PCDHA5: variants seen among roughly 807,000 people sequenced by gnomAD.
The protein encoded by PCDHA5 is protocadherin alpha 5, also known as protocadherin alpha-5.
Under a neutral mutation model 61.6 loss-of-function variants are expected in PCDHA5, and 43 were observed. The observed-to-expected ratio is 0.70, with a 90% CI of 0.55 to 0.90. PCDHA5 has a LOEUF of 0.90. PCDHA5 is among the 40% of genes least tolerant of loss of function. The probability of loss-of-function intolerance (pLI) is 0.00; values close to 1 mark genes in which losing one functional copy is unlikely to be tolerated. For synonymous variants in PCDHA5, 627 were observed against 543.9 expected (o/e 1.15, Z -2.13); for missense variants, 1,298 against 1,222.7 (o/e 1.06, Z -0.92).
intron 1 of PCDHA5, among the ~76,000 whole-genome samples, chr5:140,878,566 A>G (rs2057645190): frequency 6.6e-6 from 1 of 152,262 alleles, no homozygotes. Context: ...AACTTATCAT[A>G]GTATACCACT....
intron 1 of PCDHA5, chr5:140,877,297 T>C (rs782559386): frequency 6.2e-7 from 1 of 1,613,924 alleles, no homozygotes; most frequent in East Asian, 2.2e-5. Context: ...TTGGCTGTCC[T>C]ACGAGTTGCA....
intron 1 of PCDHA5, chr5:140,870,789 G>T (rs1554164716): frequency 1.2e-6 from 2 of 1,613,512 alleles, no homozygotes; most frequent in East Asian, 2.2e-5. Context: ...ACAACGCGCC[G>T]GCACTGCTGG....
intron 1 of PCDHA5, 61 bp downstream of exon 1, chr5:140,824,188 A>G: frequency 1.2e-6 from 2 of 1,604,144 alleles, no homozygotes; most frequent in Non-Finnish European, 1.7e-6. Context: ...TAAATGTCAC[A>G]TTCACCCACT....
chr5:140,911,485 A>G (rs1387982810), intron 1 of PCDHA5, among the ~76,000 whole-genome samples: 1 of 152,152 alleles, frequency 6.6e-6, no homozygotes, highest in East Asian at 1.9e-4. Context: ...ACTCAGGGCA[A>G]TCTTAGCAGG....
At chr5:140,844,657 C>G (rs1252310311) in intron 1 of PCDHA5, among the ~76,000 whole-genome samples, 1 of 149,150 alleles carries the variant, frequency 6.7e-6, no homozygotes, top group South Asian at 2.1e-4. Context: ...TCTTGCAAAC[C>G]AAACATATAA....
chr5:140,927,910 C>A lies in PCDHA5; in HGVS notation c.2353-51039C>A, dbSNP rs782484227. 2.5e-6 allele frequency: 4 copies of A among 1,614,216 alleles called. No homozygotes were observed. In the South Asian group the frequency reaches 3.3e-5, roughly 13 times the overall value. On this transcript the variant is annotated intron_variant, in intron 1 of 3. Transcript: ENST00000529859. ...TGACGTGAACGATCATGCCCCCGAACTGGACTTCCTGACTCTTTCGAACCC... is the reference window on the plus strand; with the variant it reads ...TGACGTGAACGATCATGCCCCCGAAATGGACTTCCTGACTCTTTCGAACCC...
chr5:140,967,431 T>G, intron 1 of PCDHA5: 1 of 1,613,498 alleles, frequency 6.2e-7, no homozygotes, highest in Non-Finnish European at 8.5e-7. Flanking sequence ...CAGGCAGCCT[T>G]GCACCACCTG....
At chr5:140,963,952 G>T (rs1466185819) in intron 1 of PCDHA5, among the ~76,000 whole-genome samples, 1 of 152,176 alleles carries the variant, frequency 6.6e-6, no homozygotes, top group Non-Finnish European at 1.5e-5. Context: ...TTAGTCACTG[G>T]CAGGAGTGTG....
intron 1 of PCDHA5, chr5:140,850,158 G>C: frequency 6.3e-7 from 1 of 1,595,230 alleles, no homozygotes; most frequent in Non-Finnish European, 8.6e-7. Flanking sequence ...GCAGGTGTTC[G>C]TGCTGGACGA....
chr5:140,843,178 C>G, intron 1 of PCDHA5: 1 of 1,596,102 alleles, frequency 6.3e-7, no homozygotes, highest in Admixed American at 1.7e-5. Flanking sequence ...GCAGCCCTCG[C>G]ATCCCGTTCC....
chr5:140,842,117 G>A, intron 1 of PCDHA5: 4 of 1,613,862 alleles, frequency 2.5e-6, no homozygotes, highest in Non-Finnish European at 3.4e-6. Context: ...CAAACTGAAT[G>A]CTTCTGATCC....
intron 1 of PCDHA5, chr5:140,834,285 A>G: frequency 8.5e-7 from 1 of 1,171,912 alleles, no homozygotes; most frequent in South Asian, 1.5e-5. Context: ...TGGATGCACA[A>G]CAATGGCCAC....
At chr5:140,829,919 G>A (rs2150177780) in intron 1 of PCDHA5, 3 of 1,613,902 alleles carry the variant, frequency 1.9e-6, no homozygotes, top group Non-Finnish European at 1.7e-6. Flanking sequence ...GCTTTCGTAT[G>A]AGCTGCAGCC....
chr5:140,916,174 C>A (rs2077467805), intron 1 of PCDHA5, among the ~76,000 whole-genome samples: 1 of 152,124 alleles, frequency 6.6e-6, no homozygotes, highest in Non-Finnish European at 1.5e-5. Flanking sequence ...AGGCCTGGGA[C>A]TCTTCAAGGA....
At chr5:140,875,925 T>C in intron 1 of PCDHA5, 2 of 1,614,142 alleles carry the variant, frequency 1.2e-6, no homozygotes. Context: ...TGGACTCTCA[T>C]TTTCCTCTAG....
chr5:140,870,133 G>A, intron 1 of PCDHA5: 1 of 1,613,974 alleles, frequency 6.2e-7, no homozygotes, highest in African/African-American at 1.3e-5. Context: ...GGACACCAAC[G>A]ATAACTCTCC....
intron 1 of PCDHA5, among the ~76,000 whole-genome samples, chr5:140,945,113 T>C (rs1359604882): frequency 2.6e-5 from 4 of 152,084 alleles, no homozygotes; most frequent in African/African-American, 4.8e-5. Flanking sequence ...AGTTGAAAGA[T>C]AAAAAATCAA....
At chr5:140,899,753 T>G (rs2067532965) in intron 1 of PCDHA5, among the ~76,000 whole-genome samples, 1 of 152,244 alleles carries the variant, frequency 6.6e-6, no homozygotes, top group African/African-American at 2.4e-5. Flanking sequence ...TCAGAAGGAA[T>G]GGTACCAGTT....
chr5:140,824,222 C>G (rs2150133268), intron 1 of PCDHA5, 95 bp downstream of exon 1: 1 of 1,556,634 alleles, frequency 6.4e-7, no homozygotes, highest in South Asian at 1.1e-5. Context: ...AAAATTATGT[C>G]TTAGTACACA....
Sources: allele counts gnomAD v4.1 joint callset (sites outside exome capture counted in the v4.1 genomes callset), GRCh38; gene constraint gnomAD v4.1.1; transcripts MANE v1.5; gene names NCBI Gene and HGNC (gene_info 2026-07-23, HGNC 2026-07-21).